Variants in CAMTA1 observed in about 807,000 individuals in gnomAD.
CAMTA1 encodes the protein calmodulin binding transcription activator 1, also known as calmodulin-binding transcription activator 1.
In CAMTA1, 27 loss-of-function variants were observed where a neutral mutation model predicts 170.9. That is an observed-to-expected ratio of 0.16 (90% CI 0.12 to 0.22). CAMTA1 has a LOEUF of 0.22. Among genes scored for constraint, CAMTA1 ranks in the 10% least tolerant of loss-of-function variants. CAMTA1 has a pLI of 1.00. For missense variants in CAMTA1, 1,619 were observed against 2,217.2 expected (o/e 0.73, Z 5.42); for synonymous variants, 833 against 891.5 (o/e 0.93, Z 1.17).
intron 5 of CAMTA1, among the ~76,000 whole-genome samples, chr1:7,347,405 C>G (rs987326138): frequency 6.6e-6 from 1 of 152,206 alleles, no homozygotes; most frequent in African/African-American, 2.4e-5. Context: ...TCACACCAGC[C>G]CCAGGGTCAC....
At position 7,681,440 on chromosome 1, in the gene CAMTA1, A is replaced by G. The variant is rs1374939144; in HGVS notation, c.2914+3707A>G. ...GGGAATGAGCGGCTGCCTTTAACCCAGGGTCTTCGGGAACTGCCGTTTTCA... is the reference window on the plus strand; with the variant it reads ...GGGAATGAGCGGCTGCCTTTAACCCGGGGTCTTCGGGAACTGCCGTTTTCA... On this transcript the variant is annotated intron_variant, in intron 11 of 22. Transcript: ENST00000303635. This position sits in a 1 kb window ranked among gnomAD's most constrained non-coding sequence, Gnocchi z 4.6. 2.0e-5 allele frequency among the ~76,000 whole-genome samples: 3 copies of G among 152,158 alleles called. No homozygotes were observed. The highest frequency in any genetic ancestry group is 2.9e-5 in the Non-Finnish European group (2 of 68,020).
At chr1:7,324,368 G>A (rs989335770) in intron 5 of CAMTA1, among the ~76,000 whole-genome samples, 2 of 151,316 alleles carry the variant, frequency 1.3e-5, no homozygotes, top group African/African-American at 4.9e-5. Flanking sequence ...ACTATTCCAG[G>A]TTTAAATAGC....
At chr1:7,676,896 G>A (rs772223307) in intron 10 of CAMTA1, among the ~76,000 whole-genome samples, 7 of 152,314 alleles carry the variant, frequency 4.6e-5, no homozygotes, top group South Asian at 4.1e-4. Flanking sequence ...AACATACCTC[G>A]TTTATTCCAC....
chr1:7,517,660 G>A (rs1472594755), intron 6 of CAMTA1, among the ~76,000 whole-genome samples: 1 of 151,082 alleles, frequency 6.6e-6, no homozygotes, highest in African/African-American at 2.5e-5. Context: ...AATTGAGCAG[G>A]GGCTGACGGC....
At chr1:7,495,350 T>C (rs1418986095) in intron 6 of CAMTA1, among the ~76,000 whole-genome samples, 1 of 152,122 alleles carries the variant, frequency 6.6e-6, no homozygotes. Flanking sequence ...CTGGGGGCTT[T>C]GTGAGGAGGA....
intron 5 of CAMTA1, among the ~76,000 whole-genome samples, chr1:7,380,597 GT>G (rs2087219654): frequency 6.6e-6 from 1 of 152,100 alleles, no homozygotes; most frequent in African/African-American, 2.4e-5. Context: ...AGAAAAGAAG[GT>G]TGCCCAGTTG....
chr1:7,378,429 C>T (rs979260052), intron 5 of CAMTA1, among the ~76,000 whole-genome samples: 1 of 152,320 alleles, frequency 6.6e-6, no homozygotes, highest in Admixed American at 6.5e-5. Context: ...CACCCATAAA[C>T]AGGAATGAAG....
In CAMTA1 at chr1:7,050,636, T is replaced by C. The variant is rs1706186935; in HGVS notation, c.235-40668T>C. 6.6e-6 allele frequency among the ~76,000 whole-genome samples: 1 copy of C among 151,758 alleles called. No individual in the cohort carries two copies. On this transcript the variant is annotated intron_variant, in intron 3 of 22. Coordinates refer to ENST00000303635, the MANE Select transcript of CAMTA1 (RefSeq NM_015215.4). The surrounding 1 kb of genome is among the most constrained non-coding windows in gnomAD (Gnocchi z 4.8). ...ATTTGAACATGTCTTTGTAGGTTTA[T>C]CACCAAGGTAGAAGAGTTCATTGTC... is the stretch of plus-strand genomic sequence containing the variant.
At chr1:6,920,214 T>G (rs1681707024) in intron 3 of CAMTA1, among the ~76,000 whole-genome samples, 1 of 151,940 alleles carries the variant, frequency 6.6e-6, no homozygotes, top group South Asian at 2.1e-4. Flanking sequence ...TCCAAATGGG[T>G]GAAATTGGCC....
At chr1:7,752,387 C>A in intron 20 of CAMTA1, 72 bp from the exon 21 acceptor site, 1 of 1,295,854 alleles carries the variant, frequency 7.7e-7, no homozygotes, top group South Asian at 1.2e-5. Context: ...AGTCCTCTGT[C>A]ACTGCTGACC....
At chr1:7,075,331 G>T (rs750403066) in intron 3 of CAMTA1, among the ~76,000 whole-genome samples, 6 of 152,202 alleles carry the variant, frequency 3.9e-5, no homozygotes, top group Admixed American at 6.5e-5. Flanking sequence ...CATTTATGAT[G>T]ATAATATCTG....
At chr1:6,884,287 TAG>T (rs1401008054) in intron 3 of CAMTA1, among the ~76,000 whole-genome samples, 1 of 96,632 alleles carries the variant, frequency 1.0e-5, no homozygotes, top group African/African-American at 3.7e-5. Flanking sequence ...GCTTATTCTC[TAG>T]AGACACACAC....
At chr1:7,095,830 G>A (rs1478396159) in intron 4 of CAMTA1, among the ~76,000 whole-genome samples, 1 of 152,248 alleles carries the variant, frequency 6.6e-6, no homozygotes, top group Non-Finnish European at 1.5e-5. Context: ...TTTCACCAGA[G>A]GGCAGGGAAC....
Position 7,173,844 on chromosome 1 carries a change from T to A in CAMTA1, c.303-75647T>A, listed in dbSNP as rs1278295054. Among the ~76,000 whole-genome samples the A allele has an allele frequency of 6.6e-6, 1 of 151,956 alleles. No homozygotes were observed. The highest frequency in any genetic ancestry group is 1.5e-5 in the Non-Finnish European group (1 of 67,976). ...TCAGTGGACTGGACCCCAGCAGAAC[T>A]TAGCAGAACCCAAAAAGGCCCAGTG... is the stretch of plus-strand genomic sequence containing the variant. On this transcript the variant is annotated intron_variant, in intron 4 of 22. Coordinates refer to ENST00000303635, the MANE Select transcript of CAMTA1 (RefSeq NM_015215.4). The surrounding 1 kb of genome is among the most constrained non-coding windows in gnomAD (Gnocchi z 5.4).
chr1:6,832,336 C>T (rs1212527691), intron 3 of CAMTA1, among the ~76,000 whole-genome samples: 1 of 152,156 alleles, frequency 6.6e-6, no homozygotes, highest in Non-Finnish European at 1.5e-5. Flanking sequence ...CTTGGCCCCT[C>T]AAAGTGCTGG....
intron 6 of CAMTA1, among the ~76,000 whole-genome samples, chr1:7,558,607 G>A (rs1056118016): frequency 2.6e-5 from 4 of 152,244 alleles, no homozygotes; most frequent in Non-Finnish European, 5.9e-5. Flanking sequence ...TGGTCCTGAA[G>A]ATGGGAAGGA....
chr1:6,920,109 G>A (rs1424653945), intron 3 of CAMTA1, among the ~76,000 whole-genome samples: 1 of 152,114 alleles, frequency 6.6e-6, no homozygotes, highest in African/African-American at 2.4e-5. Flanking sequence ...CTGAGACAAG[G>A]CAAGTCTCTT....
chr1:6,944,090 C>T (rs1239343089), intron 3 of CAMTA1, among the ~76,000 whole-genome samples: 1 of 152,104 alleles, frequency 6.6e-6, no homozygotes, highest in Admixed American at 6.5e-5. Flanking sequence ...AGTCTGACTC[C>T]TTTTAGAGCC....
intron 11 of CAMTA1, among the ~76,000 whole-genome samples, chr1:7,703,468 G>T (rs1028734789): frequency 3.9e-5 from 6 of 152,292 alleles, no homozygotes; most frequent in East Asian, 3.9e-4. Flanking sequence ...CGATCTACCG[G>T]CATGGGCAGG....
Sources: allele counts gnomAD v4.1 joint callset (sites outside exome capture counted in the v4.1 genomes callset), GRCh38; gene constraint gnomAD v4.1.1; non-coding constraint Gnocchi (gnomAD v3.1); transcripts MANE v1.5; gene names NCBI Gene and HGNC (gene_info 2026-07-23, HGNC 2026-07-21).